The following SDHC variants were observed in gnomAD, a reference collection of about 807,000 sequenced individuals.
SDHC encodes the protein succinate dehydrogenase cytochrome b560 subunit, mitochondrial.
A neutral mutation model predicts 22.6 loss-of-function variants in SDHC; 11 were observed. That is an observed-to-expected ratio of 0.49 (90% CI 0.31 to 0.81). The LOEUF (loss-of-function observed/expected upper bound fraction) is 0.81. SDHC is among the 30% of genes least tolerant of loss of function. The probability of loss-of-function intolerance (pLI) is 0.05; values close to 1 mark genes in which losing one functional copy is unlikely to be tolerated. For missense variants in SDHC, 160 were observed against 212.0 expected (o/e 0.75, Z 1.52); for synonymous variants, 80 against 77.8 (o/e 1.03, Z -0.15).
chr1:161,348,711 G>A (rs1385138358), intron 4 of SDHC, among the ~76,000 whole-genome samples: 1 of 150,918 alleles, frequency 6.6e-6, no homozygotes, highest in African/African-American at 2.4e-5. Context: ...GGTGGCGCAT[G>A]GCTATAATCC....
At chr1:161,316,667 C>T (rs116339979) in intron 1 of SDHC, among the ~76,000 whole-genome samples, 5,084 of 152,170 alleles carry the variant, frequency 0.033, 266 homozygotes, top group African/African-American at 0.11. Flanking sequence ...CTGAAGCTCT[C>T]GTGGAAAGGA....
At chr1:161,322,322 C>T (rs1670865874) in intron 1 of SDHC, among the ~76,000 whole-genome samples, 1 of 152,164 alleles carries the variant, frequency 6.6e-6, no homozygotes, top group South Asian at 2.1e-4. Flanking sequence ...GCAATTCTGG[C>T]ACTGATGTAT....
At chr1:161,351,857 A>G (rs1340739908) in intron 4 of SDHC, among the ~76,000 whole-genome samples, 2 of 152,214 alleles carry the variant, frequency 1.3e-5, no homozygotes, top group Non-Finnish European at 2.9e-5. Context: ...GCTCTTTTAG[A>G]TGTTTTCTTT....
intron 1 of SDHC, among the ~76,000 whole-genome samples, chr1:161,322,548 C>G (rs1207635309): frequency 6.6e-6 from 1 of 151,352 alleles, no homozygotes; most frequent in Non-Finnish European, 1.5e-5. Context: ...TACTCTTAAA[C>G]CTTTTTTTGT....
At chr1:161,353,746 G>A (rs984971949) in intron 4 of SDHC, among the ~76,000 whole-genome samples, 1 of 152,166 alleles carries the variant, frequency 6.6e-6, no homozygotes, top group Non-Finnish European at 1.5e-5. Flanking sequence ...GCTTTGGGAG[G>A]CCAAGGCAGA....
At chr1:161,332,362 T>G (rs977941207) in intron 3 of SDHC, among the ~76,000 whole-genome samples, 3 of 152,178 alleles carry the variant, frequency 2.0e-5, no homozygotes, top group African/African-American at 7.2e-5. Flanking sequence ...GGTTGCCACT[T>G]CAGTAGATTC....
intron 1 of SDHC, among the ~76,000 whole-genome samples, chr1:161,318,435 C>G (rs1670708854): frequency 6.6e-6 from 1 of 152,128 alleles, no homozygotes; most frequent in South Asian, 2.1e-4. Context: ...GTAACACAAA[C>G]CATTGGCACT....
chr1:161,352,838 G>A (rs559291625), intron 4 of SDHC, among the ~76,000 whole-genome samples: 3 of 152,174 alleles, frequency 2.0e-5, no homozygotes, highest in South Asian at 2.1e-4. Flanking sequence ...TTAGCCGGGC[G>A]TGGTGGCACA....
chr1:161,331,593 T>C (rs1483099464), intron 3 of SDHC, among the ~76,000 whole-genome samples: 2 of 143,650 alleles, frequency 1.4e-5, no homozygotes, highest in African/African-American at 5.4e-5. Context: ...ACAGTAAATA[T>C]CTTTTTTTTT....
intron 4 of SDHC, among the ~76,000 whole-genome samples, chr1:161,351,771 G>A (rs993997688): frequency 2.0e-5 from 3 of 152,204 alleles, no homozygotes; most frequent in African/African-American, 4.8e-5. Flanking sequence ...AGATTAGTGT[G>A]ACAACACTGG....
chr1:161,335,869 T>C lies in SDHC; in HGVS notation c.180-4725T>C, dbSNP rs150658251. ...TTTATCTCATCTTCAGAAGTGGCAT[T>C]GATAACAGTTTTTGCTGATGTCTTT... On this transcript the variant is annotated intron_variant, in intron 3 of 5. Transcript: ENST00000367975. 4.9e-3 allele frequency among the ~76,000 whole-genome samples: 746 copies of C among 152,278 alleles called. 17 individuals are homozygous for C. In the South Asian group the frequency reaches 0.05, roughly 10 times the overall value.
At chr1:161,360,778 G>A (rs1672480419) in intron 5 of SDHC, among the ~76,000 whole-genome samples, 2 of 151,792 alleles carry the variant, frequency 1.3e-5, no homozygotes, top group African/African-American at 4.8e-5. Context: ...CCAATTTAGT[G>A]GCATGCTACC....
intron 4 of SDHC, among the ~76,000 whole-genome samples, chr1:161,341,033 C>T (rs1017349295): frequency 6.6e-5 from 10 of 151,972 alleles, no homozygotes; most frequent in African/African-American, 1.9e-4. Context: ...TTAGTAGAGA[C>T]GGGGTTTCAC....
At chr1:161,338,004 GCTGA>G (rs1383250573) in intron 3 of SDHC, among the ~76,000 whole-genome samples, 1 of 152,232 alleles carries the variant, frequency 6.6e-6, no homozygotes, top group African/African-American at 2.4e-5. Context: ...CAGTTAGGAG[GCTGA>G]CTGTGTCAGA....
rs560955358 is a variant in SDHC, at chr1:161,321,769, G to A, written c.21-1845G>A. On this transcript the variant is annotated intron_variant, in intron 1 of 5. Coordinates refer to ENST00000367975, the MANE Select transcript of SDHC (RefSeq NM_003001.5). ...TGTGCATCTAATATCAATGGTGTGA[G>A]GGACATCATGAGCTTTTTTAGAAGA... is the stretch of plus-strand genomic sequence containing the variant. Among the ~76,000 whole-genome samples, 10 of 152,280 alleles carry A rather than the reference G, an allele frequency of 6.6e-5. No homozygotes were observed. In the East Asian group the frequency reaches 1.9e-3, roughly 29 times the overall value.
intron 1 of SDHC, among the ~76,000 whole-genome samples, chr1:161,315,723 C>T (rs1286954752): frequency 9.2e-5 from 14 of 152,108 alleles, no homozygotes; most frequent in Non-Finnish European, 1.2e-4. Flanking sequence ...GGATGGGTCG[C>T]CCCTCCACAC....
intron 3 of SDHC, among the ~76,000 whole-genome samples, chr1:161,329,239 G>A (rs1057231320): frequency 6.6e-6 from 1 of 151,926 alleles, no homozygotes; most frequent in African/African-American, 2.4e-5. Context: ...ATGCTAATAA[G>A]CAGATTCCCA....
At chr1:161,323,820 T>C (rs896976353) in intron 2 of SDHC, 150 bp downstream of exon 2, 7 of 548,482 alleles carry the variant, frequency 1.3e-5, no homozygotes, top group Middle Eastern at 5.0e-4. Context: ...CTCAGCCTCC[T>C]GAGTAGCTGG....
At chr1:161,326,073 G>A (rs1671035969) in intron 2 of SDHC, among the ~76,000 whole-genome samples, 1 of 152,044 alleles carries the variant, frequency 6.6e-6, no homozygotes, top group South Asian at 2.1e-4. Context: ...GCGGTGGCAT[G>A]TGCCTGTAGT....
Sources: gnomAD v4.1 joint callset for allele counts (sites outside exome capture counted in the v4.1 genomes callset) on GRCh38, gnomAD v4.1.1 for gene constraint, MANE v1.5 for transcripts, NCBI Gene and HGNC (gene_info 2026-07-23, HGNC 2026-07-21) for gene names.